CNTN1: variants seen among roughly 807,000 people sequenced by gnomAD.
CNTN1 encodes contactin 1.
Under a neutral mutation model 126.4 loss-of-function variants are expected in CNTN1, and 38 were observed. The observed-to-expected ratio is 0.30, with a 90% confidence interval of 0.23 to 0.39. CNTN1 has a LOEUF of 0.39. Among genes scored for constraint, CNTN1 ranks in the 10% least tolerant of loss-of-function variants. The pLI, the probability that CNTN1 is intolerant of heterozygous loss-of-function variation, is 1.00. For missense variants in CNTN1, 1,009 were observed against 1,248.4 expected (o/e 0.81, Z 2.89); for synonymous variants, 413 against 422.6 (o/e 0.98, Z 0.28).
intron 23 of CNTN1, among the ~76,000 whole-genome samples, chr12:41,063,693 G>C (rs1181561841): frequency 6.6e-6 from 1 of 152,326 alleles, no homozygotes; most frequent in East Asian, 1.9e-4. Flanking sequence ...TTCAATCAAA[G>C]AAGCCACTAA....
chr12:41,037,038 C>G (rs2120915307), intron 23 of CNTN1, among the ~76,000 whole-genome samples: 1 of 152,050 alleles, frequency 6.6e-6, no homozygotes, highest in South Asian at 2.1e-4. Context: ...TGTTCATGCC[C>G]TTTCTATGTT....
At chr12:40,990,593 A>G (rs1948075305) in intron 16 of CNTN1, among the ~76,000 whole-genome samples, 1 of 152,220 alleles carries the variant, frequency 6.6e-6, no homozygotes, top group Admixed American at 6.5e-5. Flanking sequence ...TTGGTGGTCA[A>G]CTATGATCTT....
intron 1 of CNTN1, among the ~76,000 whole-genome samples, chr12:40,819,056 C>A (rs1854480): frequency 0.17 from 25,608 of 152,084 alleles, 2,214 homozygotes; most frequent in African/African-American, 0.18. Flanking sequence ...GGTGCCTGCT[C>A]CTTCTTCTGG....
At chr12:41,010,913 T>C (rs1037581303) in intron 17 of CNTN1, among the ~76,000 whole-genome samples, 2 of 152,148 alleles carry the variant, frequency 1.3e-5, no homozygotes, top group African/African-American at 4.8e-5. Flanking sequence ...GAATGGTGTT[T>C]CCATTATTTC....
At chr12:40,795,349 G>A (rs973803191) in intron 1 of CNTN1, among the ~76,000 whole-genome samples, 4 of 133,102 alleles carry the variant, frequency 3.0e-5, no homozygotes, top group Non-Finnish European at 4.7e-5. Flanking sequence ...ACAAAGTCTC[G>A]CTCTGTCGCC....
Position 41,004,134 on chromosome 12 carries a change from A to G in CNTN1, c.2114-10094A>G, listed in dbSNP as rs142118997. The stretch of plus-strand genomic sequence containing the variant: ...TTAGCTGTGTCCCAGAGATTCTGGT[A>G]TGTTGTATCTTTGTTTTCATTAATT... On this transcript the variant is annotated intron_variant, in intron 17 of 23. Transcript: ENST00000551295. Among the ~76,000 whole-genome samples the G allele has an allele frequency of 2.4e-3, 366 of 152,196 alleles. 1 individual carries two copies. The highest frequency in any genetic ancestry group is 8.4e-3 in the African/African-American group (350 of 41,554).
At chr12:40,700,943 G>C (rs998160215) in intron 1 of CNTN1, among the ~76,000 whole-genome samples, 1 of 152,252 alleles carries the variant, frequency 6.6e-6, no homozygotes, top group Middle Eastern at 3.4e-3. Context: ...TTATTATTCC[G>C]ATTTTGCAGA....
chr12:40,754,061 G>A (rs2136402786), intron 1 of CNTN1, among the ~76,000 whole-genome samples: 1 of 152,074 alleles, frequency 6.6e-6, no homozygotes, highest in South Asian at 2.1e-4. Context: ...CAGTATGAAA[G>A]CCCTCATGTT....
intron 17 of CNTN1, among the ~76,000 whole-genome samples, chr12:41,009,554 C>T (rs1055868454): frequency 6.6e-6 from 1 of 152,182 alleles, no homozygotes; most frequent in Non-Finnish European, 1.5e-5. Flanking sequence ...AGATTGAAGG[C>T]CCTTCCTATG....
chr12:40,811,550 TAGA>T (rs1261327819), intron 1 of CNTN1, among the ~76,000 whole-genome samples: 1 of 152,304 alleles, frequency 6.6e-6, no homozygotes, highest in Non-Finnish European at 1.5e-5. Flanking sequence ...CTTTTTTTGA[TAGA>T]AGATTTTTGA....
At chr12:40,732,498 T>C (rs188797555) in intron 1 of CNTN1, among the ~76,000 whole-genome samples, 74 of 152,178 alleles carry the variant, frequency 4.9e-4, no homozygotes, top group African/African-American at 1.3e-3. Flanking sequence ...CAAATAATTA[T>C]GTAGACCATG....
At position 40,784,178 on chromosome 12, in the gene CNTN1, G is replaced by A. The variant is rs375923032; in HGVS notation, c.-77+91586G>A. ...ACTTCTAAAAGAAAATATAATTTCT[G>A]AATTTAGACCTGCATTTGTCTGGAG... On this transcript the variant is annotated intron_variant, in intron 1 of 23. Transcript: ENST00000551295. Among the ~76,000 whole-genome samples, 5 of 152,078 alleles carry A rather than the reference G, an allele frequency of 3.3e-5. No individual in the cohort carries two copies. In the East Asian group the frequency reaches 7.7e-4, roughly 24 times the overall value.
intron 23 of CNTN1, among the ~76,000 whole-genome samples, chr12:41,059,227 TACAGCCTCAAACAGGTGAATC>T (rs1359328448): frequency 6.6e-6 from 1 of 151,742 alleles, no homozygotes; most frequent in African/African-American, 2.4e-5. Flanking sequence ...AATACCAAAA[TACAGCCTCAAACAGGTGAATC>T]ACTCATTTGT....
At chr12:40,914,815 G>T (rs1307694768) in intron 3 of CNTN1, among the ~76,000 whole-genome samples, 1 of 152,040 alleles carries the variant, frequency 6.6e-6, no homozygotes, top group South Asian at 2.1e-4. Flanking sequence ...AGAAGAAAAA[G>T]TAGCATAAGG....
At chr12:40,986,482 A>C (rs1448044804) in intron 16 of CNTN1, among the ~76,000 whole-genome samples, 1 of 152,162 alleles carries the variant, frequency 6.6e-6, no homozygotes, top group Admixed American at 6.5e-5. Flanking sequence ...TACATATCTG[A>C]GTGTCTGGAG....
chr12:40,943,501 GTAA>G, intron 12 of CNTN1, 93 bp from the exon 13 acceptor site: 1 of 927,920 alleles, frequency 1.1e-6, no homozygotes. Context: ...TATATAGAAT[GTAA>G]TAATTGAAAA....
At chr12:40,710,810 A>T (rs1941894121) in intron 1 of CNTN1, among the ~76,000 whole-genome samples, 2 of 152,080 alleles carry the variant, frequency 1.3e-5, no homozygotes, top group Admixed American at 1.3e-4. Flanking sequence ...AAAACCAAGG[A>T]ATTTCTTATG....
intron 1 of CNTN1, among the ~76,000 whole-genome samples, chr12:40,733,552 G>A (rs1942549275): frequency 6.6e-6 from 1 of 151,848 alleles, no homozygotes; most frequent in African/African-American, 2.4e-5. Flanking sequence ...ATAAAGAAAG[G>A]CAGCAGGCTT....
chr12:40,699,049 C>T (rs1204186585), intron 1 of CNTN1, among the ~76,000 whole-genome samples: 1 of 136,408 alleles, frequency 7.3e-6, no homozygotes, highest in African/African-American at 2.7e-5. Context: ...TGGAGGACTT[C>T]CCCTGAATTC....
Sources: allele counts gnomAD v4.1 joint callset (sites outside exome capture counted in the v4.1 genomes callset), GRCh38; gene constraint gnomAD v4.1.1; transcripts MANE v1.5; gene names NCBI Gene and HGNC (gene_info 2026-07-23, HGNC 2026-07-21).